The following THSD4 variants were observed in gnomAD, a reference collection of about 807,000 sequenced individuals.
The protein encoded by THSD4 is thrombospondin type-1 domain-containing protein 4.
THSD4 carries 69 observed loss-of-function variants against 119.0 expected under a neutral mutation model. The ratio of observed to expected loss-of-function variants is 0.58; its 90% CI spans 0.48 to 0.71. The LOEUF (loss-of-function observed/expected upper bound fraction) is 0.71. Ranked by LOEUF, THSD4 falls within the 30% of genes least tolerant of loss-of-function variation. The pLI, the probability that THSD4 is intolerant of heterozygous loss-of-function variation, is 0.00. For synonymous variants in THSD4, 524 were observed against 540.4 expected (o/e 0.97, Z 0.42); for missense variants, 1,393 against 1,391.1 (o/e 1.00, Z -0.02).
At chr15:71,737,256 T>C (rs1595903956) in intron 10 of THSD4, among the ~76,000 whole-genome samples, 1 of 152,232 alleles carries the variant, frequency 6.6e-6, no homozygotes, top group South Asian at 2.1e-4. Flanking sequence ...TTTGGATAAA[T>C]AATGCCAGAT....
intron 7 of THSD4, among the ~76,000 whole-genome samples, chr15:71,644,663 G>T (rs1277075097): frequency 6.6e-6 from 1 of 152,166 alleles, no homozygotes; most frequent in East Asian, 1.9e-4. Flanking sequence ...ACAGCAAGGA[G>T]GAAGATGGAT....
intron 7 of THSD4, among the ~76,000 whole-genome samples, chr15:71,576,312 A>C (rs1161156332): frequency 1.3e-5 from 2 of 152,234 alleles, no homozygotes; most frequent in Non-Finnish European, 2.9e-5. Flanking sequence ...TAGCATTTGC[A>C]GTTGAGCTCC....
chr15:71,336,125 A>G (rs907959409), intron 6 of THSD4, among the ~76,000 whole-genome samples: 12 of 152,256 alleles, frequency 7.9e-5, no homozygotes, highest in Non-Finnish European at 1.5e-4. Context: ...CATGTGAGGC[A>G]TGTTCACACA....
intron 3 of THSD4, among the ~76,000 whole-genome samples, chr15:71,200,529 A>G (rs575082711): frequency 2.6e-5 from 4 of 152,284 alleles, no homozygotes; most frequent in Non-Finnish European, 2.9e-5. Context: ...GTGTCTTGTA[A>G]TAAGGCACTA....
chr15:71,454,252 A>C (rs2047306355), intron 7 of THSD4, among the ~76,000 whole-genome samples: 1 of 152,166 alleles, frequency 6.6e-6, no homozygotes, highest in Admixed American at 6.5e-5. Context: ...GTGAGACTCC[A>C]TCTCAAACAA....
intron 8 of THSD4, among the ~76,000 whole-genome samples, chr15:71,717,677 G>A (rs1249406846): frequency 6.6e-6 from 1 of 152,088 alleles, no homozygotes; most frequent in Non-Finnish European, 1.5e-5. Flanking sequence ...AGGGATGAGA[G>A]TTAGAAGCAG....
intron 7 of THSD4, among the ~76,000 whole-genome samples, chr15:71,633,269 CTTTTTTTTTTTTT>C (rs67682951): frequency 1.6e-5 from 1 of 63,162 alleles, no homozygotes; most frequent in East Asian, 9.7e-4. Context: ...TTCTTTCTTT[CTTTTTTTTTTTTT>C]TTTTTTTTTT....
At chr15:71,252,896 C>CATT (rs995812596) in intron 5 of THSD4, among the ~76,000 whole-genome samples, 10 of 152,144 alleles carry the variant, frequency 6.6e-5, no homozygotes, top group Admixed American at 5.9e-4. Flanking sequence ...TCATCATCAT[C>CATT]AGTCCAGGCT....
chr15:71,211,649 C>T (rs1310222892), intron 3 of THSD4, among the ~76,000 whole-genome samples: 1 of 152,180 alleles, frequency 6.6e-6, no homozygotes, highest in Non-Finnish European at 1.5e-5. Flanking sequence ...CAGGTTCAGT[C>T]CACAACACCT....
intron 7 of THSD4, among the ~76,000 whole-genome samples, chr15:71,455,336 T>C (rs1221233783): frequency 6.6e-6 from 1 of 152,218 alleles, no homozygotes; most frequent in Non-Finnish European, 1.5e-5. Context: ...ATTACAGGGC[T>C]TGTCATGTAG....
chr15:71,596,613 T>C (rs942847124), intron 7 of THSD4, among the ~76,000 whole-genome samples: 5 of 152,368 alleles, frequency 3.3e-5, no homozygotes, highest in African/African-American at 1.2e-4. Context: ...TGGGAACTCT[T>C]TGAATTCTAA....
At chr15:71,554,341 C>T (rs986470135) in intron 7 of THSD4, among the ~76,000 whole-genome samples, 42 of 151,724 alleles carry the variant, frequency 2.8e-4, no homozygotes, top group African/African-American at 8.7e-4. Context: ...GTGATCTGCC[C>T]GCCTCGGCCT....
intron 2 of THSD4, among the ~76,000 whole-genome samples, chr15:71,152,239 A>G (rs929392191): frequency 2.0e-5 from 3 of 152,108 alleles, no homozygotes; most frequent in Non-Finnish European, 2.9e-5. Context: ...CCTGGCCAAC[A>G]TGGTGAAACC....
chr15:71,480,943 T>A (rs565770073), intron 7 of THSD4, among the ~76,000 whole-genome samples: 1 of 151,100 alleles, frequency 6.6e-6, no homozygotes, highest in East Asian at 1.9e-4. Context: ...CCTGATTGAC[T>A]TTTTTTATAG....
chr15:71,590,326 C>T (rs2049769078), intron 7 of THSD4, among the ~76,000 whole-genome samples: 1 of 73,868 alleles, frequency 1.4e-5, no homozygotes, highest in African/African-American at 3.7e-5. Flanking sequence ...GTTTTGAGGC[C>T]GTGTGGACCT....
intron 7 of THSD4, among the ~76,000 whole-genome samples, chr15:71,630,826 A>C (rs554523133): frequency 4.2e-4 from 64 of 152,312 alleles, no homozygotes; most frequent in African/African-American, 1.5e-3. Flanking sequence ...ATTTCAGACC[A>C]ATAATTCTAC....
intron 8 of THSD4, among the ~76,000 whole-genome samples, chr15:71,682,917 C>CCT (rs1276209516): frequency 0.024 from 1,066 of 44,568 alleles, 149 homozygotes; most frequent in African/African-American, 0.094. Context: ...TCTTCTTCTT[C>CCT]TTCTTTTTTT....
chr15:71,635,010 T>C (rs747400058), intron 7 of THSD4, among the ~76,000 whole-genome samples: 1 of 152,196 alleles, frequency 6.6e-6, no homozygotes, highest in Non-Finnish European at 1.5e-5. Flanking sequence ...ATTAAGACCG[T>C]CAGATATTTC....
intron 6 of THSD4, among the ~76,000 whole-genome samples, chr15:71,262,840 G>A (rs1274019391): frequency 6.6e-6 from 1 of 152,090 alleles, no homozygotes; most frequent in Non-Finnish European, 1.5e-5. Context: ...AAGGGTGGGT[G>A]TATTTTGCTT....
Sources: gnomAD v4.1 joint callset for allele counts (sites outside exome capture counted in the v4.1 genomes callset) on GRCh38, gnomAD v4.1.1 for gene constraint, MANE v1.5 for transcripts, NCBI Gene and HGNC (gene_info 2026-07-23, HGNC 2026-07-21) for gene names.